The following SEMA4D variants were observed in gnomAD, a reference collection of about 807,000 sequenced individuals.
SEMA4D encodes the protein semaphorin-4D.
SEMA4D carries 22 observed loss-of-function variants against 74.8 expected under a neutral mutation model. The ratio of observed to expected loss-of-function variants is 0.29; its 90% CI spans 0.21 to 0.42. SEMA4D has a LOEUF of 0.42. Among genes scored for constraint, SEMA4D ranks in the 10% least tolerant of loss-of-function variants. The pLI is 1.00. For synonymous variants in SEMA4D, 445 were observed against 463.7 expected (o/e 0.96, Z 0.52); for missense variants, 937 against 1,118.4 (o/e 0.84, Z 2.31).
intron 2 of SEMA4D, among the ~76,000 whole-genome samples, chr9:89,419,652 C>G (rs747546459): frequency 7.2e-5 from 11 of 152,214 alleles, no homozygotes; most frequent in Non-Finnish European, 1.3e-4. Flanking sequence ...GTGGCTCACG[C>G]CTGTAATCCC....
At chr9:89,453,425 C>T (rs929627486) in intron 2 of SEMA4D, among the ~76,000 whole-genome samples, 2 of 152,256 alleles carry the variant, frequency 1.3e-5, no homozygotes, top group African/African-American at 4.8e-5. Context: ...CTCCCCCAGA[C>T]AGATGTCCAA....
chr9:89,407,222 T>C (rs918522709), intron 2 of SEMA4D, among the ~76,000 whole-genome samples: 1 of 152,082 alleles, frequency 6.6e-6, no homozygotes, highest in Non-Finnish European at 1.5e-5. Context: ...GTGAGAGTTC[T>C]GGCCAAAAAA....
At chr9:89,415,738 A>G (rs2134055779) in intron 2 of SEMA4D, among the ~76,000 whole-genome samples, 1 of 152,312 alleles carries the variant, frequency 6.6e-6, no homozygotes, top group African/African-American at 2.4e-5. Context: ...CACCCAGTCT[A>G]TGACATTTTG....
chr9:89,364,074 C>G (rs1173162308), intron 16 of SEMA4D: 41 of 1,577,952 alleles, frequency 2.6e-5, no homozygotes, highest in Non-Finnish European at 2.4e-5. Flanking sequence ...GGGACAACTT[C>G]CAATTCAGTC....
chr9:89,461,700 C>CTCTCTTTTTTTTT (rs71281350), intron 1 of SEMA4D, among the ~76,000 whole-genome samples: 31 of 103,646 alleles, frequency 3.0e-4, no homozygotes, highest in Non-Finnish European at 3.3e-4. Flanking sequence ...TCTTTTTTCT[C>CTCTCTTTTTTTTT]TTTTTTTTTT....
chr9:89,385,240 C>T lies in SEMA4D; in HGVS notation c.1446+1127G>A, dbSNP rs143340905. The T allele has an allele frequency of 3.6e-4, 355 of 984,464 alleles. 1 individual carries two copies. The African/African-American group carries it at 5.7e-3, about 16-fold the overall frequency. The allele number at this position is 984,464 out of a possible 1,614,324, so 61.0% of individuals were successfully genotyped here. On this transcript the variant is annotated intron_variant, in intron 13 of 15. Coordinates refer to ENST00000422704, the MANE Select transcript of SEMA4D (RefSeq NM_001371194.2). ...TGGAAGCCTCCACCAGCCTGGGTCC[C>T]TAAGTGACCCTTGGAACAGAGTGTC...
Position 89,388,764 on chromosome 9 carries a change from C to T in SEMA4D, c.979G>A (p.Ala327Thr), listed in dbSNP as rs11526468. ...LNNVGLSAVC[A>T]YNLSTAEEVF... The stretch of plus-strand genomic sequence containing the variant: ...TCCTCGGCTGTGGACAGGTTGTAGG[C>T]GCACACTGCCGACAGCCCCACGTTG... Residue 327 changes from alanine (A) to threonine (T), a missense_variant, in exon 11 of 16, where the codon GCC becomes ACC. Transcript: ENST00000422704. 0.28 allele frequency: 453,870 copies of T among 1,607,020 alleles called. 66,595 individuals are homozygous for T. Among genetic ancestry groups the T allele is most frequent in the East Asian group, 0.36 (16,188 of 44,738 alleles).
At chr9:89,441,915 C>T (rs757351288) in intron 2 of SEMA4D, among the ~76,000 whole-genome samples, 4 of 152,318 alleles carry the variant, frequency 2.6e-5, no homozygotes, top group Non-Finnish European at 4.4e-5. Context: ...CTCATGGCCA[C>T]GCCCATGTTT....
At chr9:89,395,970 A>C (rs1377638042) in intron 6 of SEMA4D, among the ~76,000 whole-genome samples, 1 of 152,238 alleles carries the variant, frequency 6.6e-6, no homozygotes, top group East Asian at 1.9e-4. Flanking sequence ...TTCCATGTTC[A>C]CATGGACTTA....
At chr9:89,448,093 G>GTC (rs1853417077) in intron 2 of SEMA4D, among the ~76,000 whole-genome samples, 1 of 152,136 alleles carries the variant, frequency 6.6e-6, no homozygotes, top group South Asian at 2.1e-4. Context: ...TCCCACCTCA[G>GTC]CCTCCTGAGC....
intron 1 of SEMA4D, among the ~76,000 whole-genome samples, chr9:89,459,249 T>TGG (rs34277160): frequency 2.0e-5 from 3 of 152,052 alleles, no homozygotes; most frequent in Non-Finnish European, 2.9e-5. Flanking sequence ...GGTAGTGCTC[T>TGG]GGGGGGGTCC....
chr9:89,431,920 TAC>T (rs1849353070), intron 2 of SEMA4D, among the ~76,000 whole-genome samples: 1 of 152,226 alleles, frequency 6.6e-6, no homozygotes, highest in Non-Finnish European at 1.5e-5. Flanking sequence ...CTGGGATCCA[TAC>T]AGTCAAGGCC....
intron 2 of SEMA4D, among the ~76,000 whole-genome samples, chr9:89,417,677 C>T (rs925026658): frequency 3.3e-5 from 5 of 152,228 alleles, no homozygotes; most frequent in African/African-American, 1.2e-4. Context: ...TATTACACCA[C>T]ACCTTACCAG....
In SEMA4D at chr9:89,370,698, A is replaced by T. The variant is rs116839306; in HGVS notation, c.1882+6135T>A. On this transcript the variant is annotated intron_variant, in intron 16 of 18. Transcript: ENST00000339861. ...GTGGTGTGTGTGTCTGGTGTGTGGTATGTGGCTAGCATAGTCTATGTAGTT... is the reference window on the plus strand; with the variant it reads ...GTGGTGTGTGTGTCTGGTGTGTGGTTTGTGGCTAGCATAGTCTATGTAGTT... Among the ~76,000 whole-genome samples, 271 of 124,894 alleles carry T rather than the reference A, an allele frequency of 2.2e-3. 1 individual carries two copies. Among genetic ancestry groups the T allele is most frequent in the African/African-American group, 8.0e-3 (254 of 31,634 alleles). 81.9% of individuals were successfully genotyped at this position (124,894 alleles called of 152,430 possible).
chr9:89,471,855 A>T (rs1205775900), intron 1 of SEMA4D, among the ~76,000 whole-genome samples: 2 of 125,612 alleles, frequency 1.6e-5, no homozygotes, highest in Non-Finnish European at 3.4e-5. Context: ...GGTGCATGCC[A>T]ACTCAGGTGC....
chr9:89,376,905 G>A, downstream of SEMA4D: 1 of 1,550,866 alleles, frequency 6.4e-7, no homozygotes, highest in South Asian at 1.2e-5. Context: ...AGGAAGGGCG[G>A]CAGCAAGGAG....
intron 2 of SEMA4D, among the ~76,000 whole-genome samples, chr9:89,412,494 C>A (rs978767815): frequency 6.6e-6 from 1 of 152,170 alleles, no homozygotes; most frequent in East Asian, 1.9e-4. Flanking sequence ...TGAAAAGAAA[C>A]CTTTTTCTTA....
chr9:89,462,950 GGAGGGGGGAGCGAGC>G (rs1257535432), intron 1 of SEMA4D, among the ~76,000 whole-genome samples: 149 of 117,096 alleles, frequency 1.3e-3, no homozygotes, highest in Admixed American at 1.7e-3. Flanking sequence ...TGGAAAGAAA[GGAGGGGGGAGCGAGC>G]GAGGGGAGGG....
intron 2 of SEMA4D, among the ~76,000 whole-genome samples, chr9:89,417,771 C>T (rs1275903878): frequency 6.6e-6 from 1 of 152,218 alleles, no homozygotes; most frequent in Non-Finnish European, 1.5e-5. Flanking sequence ...CTGCCACAAT[C>T]CCAAGACCCA....
Sources: allele counts gnomAD v4.1 joint callset (sites outside exome capture counted in the v4.1 genomes callset), GRCh38; gene constraint gnomAD v4.1.1; transcripts MANE v1.5; gene names NCBI Gene and HGNC (gene_info 2026-07-23, HGNC 2026-07-21).